ANKRD11: variants seen among roughly 807,000 people sequenced by gnomAD.
ANKRD11 encodes ankyrin repeat domain-containing protein 11.
In ANKRD11, 17 loss-of-function variants were observed where a neutral mutation model predicts 195.7. The observed-to-expected ratio is 0.09, with a 90% CI of 0.06 to 0.13. ANKRD11 has a LOEUF of 0.13. Ranked by LOEUF, ANKRD11 falls within the 10% of genes least tolerant of loss-of-function variation. The pLI, the probability that ANKRD11 is intolerant of heterozygous loss-of-function variation, is 1.00. For synonymous variants in ANKRD11, 1,953 were observed against 1,528.1 expected, an observed-to-expected ratio of 1.28 and a Z score of -6.49; for missense variants, 3,735 against 3,566.1, an observed-to-expected ratio of 1.05 and a Z score of -1.21.
At chr16:89,456,224 A>C (rs2152324655) in intron 1 of ANKRD11, among the ~76,000 whole-genome samples, 1 of 149,378 alleles carries the variant, frequency 6.7e-6, no homozygotes, top group South Asian at 2.2e-4. Context: ...TGGGCAACAG[A>C]ACAAGATTCG....
At chr16:89,289,517 G>T (rs1393189445) in intron 6 of ANKRD11, among the ~76,000 whole-genome samples, 1 of 152,216 alleles carries the variant, frequency 6.6e-6, no homozygotes, top group Non-Finnish European at 1.5e-5. Flanking sequence ...GCCGTATCAG[G>T]TCTGGGGAGG....
chr16:89,301,023 A>G, intron 4 of ANKRD11: 1 of 601,192 alleles, frequency 1.7e-6, no homozygotes, highest in Non-Finnish European at 3.0e-6. Context: ...ACAGCGGGGC[A>G]GGAGGCTCCC....
rs778524990 is a variant in ANKRD11, at chr16:89,280,090, C to T, written c.6452G>A (p.Gly2151Asp). 29 of 1,613,042 alleles carry T rather than the reference C, an allele frequency of 1.8e-5. No homozygotes were observed. The highest frequency in any genetic ancestry group is 2.0e-5 in the Non-Finnish European group (24 of 1,179,936). ...LPLQTKDAAD[G>D]EAEPVEESLA... ...ACTTTCTTCCACGGGTTCCGCTTCA[C>T]CATCTGCGGCATCTTTAGTCTGCAG... is the stretch of plus-strand genomic sequence containing the variant. Residue 2151 changes from glycine to aspartate, a missense_variant, in exon 9 of 13, where the codon GGT becomes GAT. Transcript: ENST00000301030.
rs527431768 is a variant in ANKRD11 at position 89,449,897 on chromosome 16, C to G, written c.-144-31529G>C. Among the ~76,000 whole-genome samples the G allele has an allele frequency of 2.6e-5, 4 of 152,274 alleles. No homozygotes were observed. In the South Asian group the frequency reaches 8.3e-4, roughly 32 times the overall value. On this transcript the variant is annotated intron_variant, in intron 1 of 12. Transcript: ENST00000301030. ...TGATCAAAGTCATAGACAGGCAGAG[C>G]CACACTGAAGAATGCAGTCCTGGCT...
intron 1 of ANKRD11, among the ~76,000 whole-genome samples, chr16:89,476,863 G>C (rs967271599): frequency 6.6e-6 from 1 of 152,162 alleles, no homozygotes; most frequent in African/African-American, 2.4e-5. Context: ...CCTGACTTCA[G>C]AGTCCCTCTG....
chr16:89,423,153 G>A (rs899649694), intron 1 of ANKRD11, among the ~76,000 whole-genome samples: 2 of 152,056 alleles, frequency 1.3e-5, no homozygotes, highest in African/African-American at 4.8e-5. Context: ...AACACCCTCA[G>A]AGCCCAGGAG....
In ANKRD11 at chr16:89,285,426, T is replaced by C. The variant is rs764496590; in HGVS notation, c.1116A>G (p.Arg372=). ...TAAAACTATTGGATTTCGTTTCTTT[T>C]CTGTAGTCCTTTTTCAATAGGTGCT... The part of the protein sequence containing the change: ...DDKHLLKKDY[R]KETKSNSFIS... Residue 372 remains arginine (R), a synonymous_variant, in exon 9 of 13, where the codon AGA becomes AGG. Coordinates refer to ENST00000301030, the MANE Select transcript of ANKRD11 (RefSeq NM_013275.6). The surrounding 1 kb of genome is among the most constrained non-coding windows in gnomAD (Gnocchi z 5.6). 1.5e-5 allele frequency: 25 copies of C among 1,614,214 alleles called. No individual in the cohort carries two copies. The highest frequency in any genetic ancestry group is 2.1e-5 in the Non-Finnish European group (25 of 1,180,036).
intron 2 of ANKRD11, among the ~76,000 whole-genome samples, chr16:89,364,571 C>A (rs952456628): frequency 2.6e-5 from 4 of 152,184 alleles, no homozygotes; most frequent in African/African-American, 9.7e-5. Context: ...CAGAGGTGTC[C>A]AATCTTTTGA....
chr16:89,284,342 C>T lies in ANKRD11; in HGVS notation c.2200G>A (p.Glu734Lys). The T allele has an allele frequency of 1.2e-6, 2 of 1,613,862 alleles. No homozygotes were observed. Among genetic ancestry groups the T allele is most frequent in the Non-Finnish European group, 8.5e-7 (1 of 1,180,012 alleles). The change falls in exon 9 of 13, where the codon GAA becomes AAA. Residue 734 changes from glutamate to lysine, a missense_variant. Transcript: ENST00000301030. ...TNKDISRSFR[E>K]EKDRSNKAEK... ...GCTTTATTCGAACGGTCTTTCTCTT[C>T]TCGGAAAGACCTGCTGATGTCTTTG...
chr16:89,354,029 G>A (rs1315036197), intron 2 of ANKRD11, among the ~76,000 whole-genome samples: 1 of 152,082 alleles, frequency 6.6e-6, no homozygotes, highest in Non-Finnish European at 1.5e-5. Context: ...TAATTGATGG[G>A]AGCCAGAGCA....
chr16:89,406,905 G>A (rs563118004), intron 2 of ANKRD11, among the ~76,000 whole-genome samples: 4 of 152,320 alleles, frequency 2.6e-5, no homozygotes, highest in South Asian at 2.1e-4. Flanking sequence ...CAGGCCGGAC[G>A]TGGTGGCTCA....
At chr16:89,405,139 A>G (rs1414535616) in intron 2 of ANKRD11, among the ~76,000 whole-genome samples, 1 of 152,092 alleles carries the variant, frequency 6.6e-6, no homozygotes, top group African/African-American at 2.4e-5. Flanking sequence ...GGTTGCGGTG[A>G]GTGGAGATCA....
rs371780383 is a variant in ANKRD11, at chr16:89,469,274, T to A, written c.-145+20971A>T. 1.7e-3 allele frequency among the ~76,000 whole-genome samples: 257 copies of A among 152,058 alleles called. 2 individuals carry two copies. Among genetic ancestry groups the A allele is most frequent in the Non-Finnish European group, 6.5e-4 (44 of 67,978 alleles). On this transcript the variant is annotated intron_variant, in intron 1 of 12. Coordinates refer to ENST00000301030, the MANE Select transcript of ANKRD11 (RefSeq NM_013275.6). Reference sequence around the variant, plus strand: ...TCTCACTCTGTCGCCCAGGCTAGAGTGCTGTAGCGCAATCTTGGCTCACTG... The same window carrying A: ...TCTCACTCTGTCGCCCAGGCTAGAGAGCTGTAGCGCAATCTTGGCTCACTG...
At chr16:89,270,317 C>T (rs939450938) in intron 12 of ANKRD11, 16 of 230,950 alleles carry the variant, frequency 6.9e-5, no homozygotes, top group South Asian at 4.6e-4. Context: ...TACAGGGTGA[C>T]GCTGACTGTA....
intron 2 of ANKRD11, among the ~76,000 whole-genome samples, chr16:89,339,709 T>C (rs761905488): frequency 2.0e-5 from 3 of 152,214 alleles, no homozygotes; most frequent in African/African-American, 7.2e-5. Context: ...ACATCCACCA[T>C]CTGTTCATTT....
intron 2 of ANKRD11, among the ~76,000 whole-genome samples, chr16:89,363,496 T>A (rs2039820180): frequency 6.6e-6 from 1 of 151,722 alleles, no homozygotes; most frequent in African/African-American, 2.4e-5. Flanking sequence ...AAAAAAAAGA[T>A]TCAGTCTTGC....
intron 2 of ANKRD11, among the ~76,000 whole-genome samples, chr16:89,327,013 G>A (rs750608253): frequency 4.6e-5 from 7 of 151,480 alleles, no homozygotes; most frequent in Non-Finnish European, 7.4e-5. Context: ...GAGGGGGAAT[G>A]CAGAGGTGGG....
rs189141183 is a variant in ANKRD11, at chr16:89,337,061, C to T, written c.-59-19983G>A. On this transcript the variant is annotated intron_variant, in intron 2 of 12. Coordinates refer to ENST00000301030, the MANE Select transcript of ANKRD11 (RefSeq NM_013275.6). The stretch of plus-strand genomic sequence containing the variant: ...ATTAGCCAGGTGTGGTGGTGCACAC[C>T]TGCAGTCCCAGCTATTTGGGAGGCT... 3.6e-3 allele frequency among the ~76,000 whole-genome samples: 544 copies of T among 149,700 alleles called. 11 individuals carry two copies. The highest frequency in any genetic ancestry group is 0.028 in the Admixed American group (419 of 14,942).
chr16:89,294,053 G>A (rs934993602), intron 4 of ANKRD11, among the ~76,000 whole-genome samples: 5 of 152,250 alleles, frequency 3.3e-5, no homozygotes, highest in Middle Eastern at 3.4e-3. Flanking sequence ...GGCAGGACTC[G>A]GTGCCCCCAG....
Sources: gnomAD v4.1 joint callset for allele counts (sites outside exome capture counted in the v4.1 genomes callset) on GRCh38, gnomAD v4.1.1 for gene constraint, Gnocchi (gnomAD v3.1) non-coding constraint, MANE v1.5 for transcripts, NCBI Gene and HGNC (gene_info 2026-07-23, HGNC 2026-07-21) for gene names.